Variants in AGO2 observed in about 807,000 individuals in gnomAD.
AGO2 encodes protein argonaute-2.
A neutral mutation model predicts 102.3 loss-of-function variants in AGO2; 5 were observed. The ratio of observed to expected loss-of-function variants is 0.05; its 90% CI spans 0.03 to 0.10. The LOEUF (loss-of-function observed/expected upper bound fraction) is 0.10, where lower values mean the gene tolerates loss of function less well. Among genes scored for constraint, AGO2 ranks in the 10% least tolerant of loss-of-function variants. The probability of loss-of-function intolerance (pLI) is 1.00; values close to 1 mark genes in which losing one functional copy is unlikely to be tolerated. For missense variants in AGO2, 541 were observed against 1,183.7 expected, an observed-to-expected ratio of 0.46 and a Z score of 7.97; for synonymous variants, 449 against 473.1, an observed-to-expected ratio of 0.95 and a Z score of 0.66.
At chr8:140,541,688 A>C (rs1564075780) in intron 14 of AGO2, among the ~76,000 whole-genome samples, 1 of 152,194 alleles carries the variant, frequency 6.6e-6, no homozygotes, top group Non-Finnish European at 1.5e-5. Context: ...GGATCACCTG[A>C]GGTCAGGAGT....
intron 1 of AGO2, among the ~76,000 whole-genome samples, chr8:140,624,346 A>G (rs2074249909): frequency 6.6e-6 from 1 of 152,186 alleles, no homozygotes; most frequent in Non-Finnish European, 1.5e-5. Flanking sequence ...GAACGTCCAC[A>G]CTGCACGCAC....
intron 14 of AGO2, among the ~76,000 whole-genome samples, chr8:140,543,029 C>T (rs781761122): frequency 1.3e-4 from 20 of 152,056 alleles, no homozygotes; most frequent in Non-Finnish European, 2.1e-4. Context: ...CCCAGCTACT[C>T]GGGAGGCTGA....
intron 16 of AGO2, among the ~76,000 whole-genome samples, chr8:140,538,420 GGT>G (rs1387528566): frequency 6.6e-6 from 1 of 152,208 alleles, no homozygotes; most frequent in Non-Finnish European, 1.5e-5. Flanking sequence ...AACGTGGACA[GGT>G]GTGAGTTTCT....
At position 140,528,288 on chromosome 8, in the gene AGO2, T is replaced by C. The variant is rs1276955018; in HGVS notation, c.*3756A>G. Reference sequence around the variant, plus strand: ...TAGGTACCACATGCACTGGAATATCTGTGTCGGCCAAACCAAACCAGAGCA... The same window carrying C: ...TAGGTACCACATGCACTGGAATATCCGTGTCGGCCAAACCAAACCAGAGCA... On this transcript the variant is annotated 3_prime_UTR_variant, in exon 19 of 19. Coordinates refer to ENST00000220592, the MANE Select transcript of AGO2 (RefSeq NM_012154.5). The surrounding 1 kb of genome is among the most constrained non-coding windows in gnomAD (Gnocchi z 4.5). 6.6e-6 allele frequency: 1 copy of C among 152,218 alleles called. No homozygotes were observed. Among genetic ancestry groups the C allele is most frequent in the Non-Finnish European group, 1.5e-5 (1 of 68,038 alleles). 9.4% of individuals were successfully genotyped at this position (152,218 alleles called of 1,614,324 possible). A position where few individuals can be genotyped will look rare whatever the true frequency, so the allele number is the denominator to read the frequency against.
chr8:140,535,127 G>A (rs550949355), intron 17 of AGO2, among the ~76,000 whole-genome samples: 2 of 152,336 alleles, frequency 1.3e-5, no homozygotes, highest in Admixed American at 1.3e-4. Context: ...TGGCCTTCCA[G>A]CTTCCACCCC....
At chr8:140,604,228 C>T (rs1042239151) in intron 1 of AGO2, among the ~76,000 whole-genome samples, 3 of 152,230 alleles carry the variant, frequency 2.0e-5, no homozygotes, top group African/African-American at 7.2e-5. Flanking sequence ...GTGCTGTGTA[C>T]TGTCGGAAAG....
chr8:140,629,449 T>C lies in AGO2; in HGVS notation c.22+6036A>G, dbSNP rs1588519959. 4.6e-5 allele frequency among the ~76,000 whole-genome samples: 7 copies of C among 152,194 alleles called. 1 individual carries two copies. Among genetic ancestry groups the C allele is most frequent in the Admixed American group, 4.6e-4 (7 of 15,290 alleles). On this transcript the variant is annotated intron_variant, in intron 1 of 18. Coordinates refer to ENST00000220592, the MANE Select transcript of AGO2 (RefSeq NM_012154.5). ...AGTCATCCAGGCCAAAGTCCCCACT[T>C]AACAGGCGAGAAAACTGAGACCACA...
intron 1 of AGO2, among the ~76,000 whole-genome samples, chr8:140,631,399 G>A (rs1184056453): frequency 2.0e-5 from 3 of 152,002 alleles, no homozygotes; most frequent in African/African-American, 4.8e-5. Flanking sequence ...AAAATTAGCC[G>A]GACATGGTGG....
At position 140,532,083 on chromosome 8, in the gene AGO2, C is replaced by G; in HGVS notation, c.2541G>C (p.Gln847His). The G allele has an allele frequency of 6.2e-7, 1 of 1,614,190 alleles. No homozygotes were observed. Among genetic ancestry groups the G allele is most frequent in the Non-Finnish European group, 8.5e-7 (1 of 1,180,034 alleles). Residue 847 changes from glutamine to histidine, a missense_variant, in exon 19 of 19, where the codon CAG (glutamine) becomes CAC (histidine). Physicochemically the swap from Gln to His is conservative, Grantham distance 24 (BLOSUM62 0). Around this residue, in one of 6 missense-constraint regions of AGO2, gnomAD observed 309 missense variants for 735.1 expected, o/e 0.42. Coordinates refer to ENST00000220592, the MANE Select transcript of AGO2 (RefSeq NM_012154.5). Reference sequence around the variant, plus strand: ...TGGTGCGCAGAGTGTCTTGGTGAACCTGGACCGCCTTGGCCAGTGCTTGGT... The same window carrying G: ...TGGTGCGCAGAGTGTCTTGGTGAACGTGGACCGCCTTGGCCAGTGCTTGGT... Reference protein sequence around the residue: ...RDHQALAKAVQVHQDTLRTMY... With the variant: ...RDHQALAKAVHVHQDTLRTMY...
chr8:140,565,620 G>A (rs1473590022), intron 3 of AGO2, among the ~76,000 whole-genome samples: 3 of 149,778 alleles, frequency 2.0e-5, no homozygotes, highest in African/African-American at 2.5e-5. Flanking sequence ...CAGCCCTGGG[G>A]ATCAGAGTGA....
chr8:140,632,172 G>A (rs907037789), intron 1 of AGO2, among the ~76,000 whole-genome samples: 1 of 152,248 alleles, frequency 6.6e-6, no homozygotes, highest in Non-Finnish European at 1.5e-5. Flanking sequence ...TCTTCAAATT[G>A]CACAGGGTTT....
At chr8:140,568,642 A>G (rs2073331265) in intron 3 of AGO2, among the ~76,000 whole-genome samples, 1 of 152,212 alleles carries the variant, frequency 6.6e-6, no homozygotes. Context: ...GAAATGTGCC[A>G]GGTGCTGAGG....
At chr8:140,630,556 G>A (rs535480081) in intron 1 of AGO2, among the ~76,000 whole-genome samples, 166 of 152,376 alleles carry the variant, frequency 1.1e-3, no homozygotes, top group African/African-American at 3.6e-3. Context: ...AATGTGTGGC[G>A]TGGGCCAGCA....
intron 17 of AGO2, among the ~76,000 whole-genome samples, chr8:140,533,218 T>A (rs1156826042): frequency 6.7e-6 from 1 of 150,068 alleles, no homozygotes; most frequent in Non-Finnish European, 1.5e-5. Flanking sequence ...TGAAACCCTG[T>A]CTCTACTAAA....
At chr8:140,570,769 C>A (rs747866120) in intron 3 of AGO2, among the ~76,000 whole-genome samples, 14 of 152,174 alleles carry the variant, frequency 9.2e-5, no homozygotes, top group Non-Finnish European at 1.9e-4. Flanking sequence ...CAGGTCCCAC[C>A]ACAGGAAGGG....
At chr8:140,552,604 A>G (rs1435952135) in intron 10 of AGO2, among the ~76,000 whole-genome samples, 1 of 152,088 alleles carries the variant, frequency 6.6e-6, no homozygotes, top group Non-Finnish European at 1.5e-5. Context: ...TTTTATAACT[A>G]CTGCCTGTTC....
intron 14 of AGO2, 124 bp from the exon 15 acceptor site, chr8:140,541,482 A>AC: frequency 9.0e-6 from 8 of 891,402 alleles, no homozygotes; most frequent in Non-Finnish European, 1.3e-5. Flanking sequence ...TGTCACTGTC[A>AC]AGTGACAATG....
intron 2 of AGO2, among the ~76,000 whole-genome samples, chr8:140,578,356 T>A (rs570245531): frequency 6.6e-6 from 1 of 152,146 alleles, no homozygotes; most frequent in South Asian, 2.1e-4. Context: ...CGGCATTGAG[T>A]GTGTCCATGC....
At chr8:140,575,460 G>A (rs931713306) in intron 2 of AGO2, among the ~76,000 whole-genome samples, 5 of 152,152 alleles carry the variant, frequency 3.3e-5, no homozygotes, top group African/African-American at 7.2e-5. Context: ...CCCAACCTTC[G>A]GAGGCCCTCA....
Sources: gnomAD v4.1 joint callset for allele counts (sites outside exome capture counted in the v4.1 genomes callset) on GRCh38, gnomAD v4.1.1 for gene constraint, gnomAD v4.1.1 regional missense constraint, Gnocchi (gnomAD v3.1) non-coding constraint, MANE v1.5 for transcripts, NCBI Gene and HGNC (gene_info 2026-07-23, HGNC 2026-07-21) for gene names.